Variants in SDK1 observed in about 807,000 individuals in gnomAD.
SDK1 encodes protein sidekick-1.
In SDK1, 157 loss-of-function variants were observed where a neutral mutation model predicts 245.5. The ratio of observed to expected loss-of-function variants is 0.64; its 90% CI spans 0.56 to 0.73. The LOEUF (loss-of-function observed/expected upper bound fraction) is 0.73. Ranked by LOEUF, SDK1 falls within the 30% of genes least tolerant of loss-of-function variation. The pLI, the probability that SDK1 is intolerant of heterozygous loss-of-function variation, is 0.00. For missense variants in SDK1, 3,583 were observed against 3,002.3 expected (o/e 1.19, Z -4.52); for synonymous variants, 1,647 against 1,278.5 (o/e 1.29, Z -6.15).
chr7:3,392,762 T>A (rs1781790462), intron 1 of SDK1, among the ~76,000 whole-genome samples: 1 of 152,108 alleles, frequency 6.6e-6, no homozygotes, highest in African/African-American at 2.4e-5. Flanking sequence ...GTTTTCAAGA[T>A]TCATTCATAT....
chr7:3,841,275 A>T (rs1189659484), intron 5 of SDK1, among the ~76,000 whole-genome samples: 1 of 152,132 alleles, frequency 6.6e-6, no homozygotes, highest in Non-Finnish European at 1.5e-5. Context: ...GGATCCAAGG[A>T]CAACTTCGCA....
chr7:3,902,260 T>C (rs1205629312), intron 5 of SDK1, among the ~76,000 whole-genome samples: 1 of 152,210 alleles, frequency 6.6e-6, no homozygotes, highest in Non-Finnish European at 1.5e-5. Context: ...TTCCAGTTCA[T>C]CATCACAGGG....
At chr7:3,425,542 A>T (rs775640671) in intron 1 of SDK1, among the ~76,000 whole-genome samples, 1 of 152,194 alleles carries the variant, frequency 6.6e-6, no homozygotes, top group Non-Finnish European at 1.5e-5. Context: ...CTTCTCACAG[A>T]CCTCGATAAA....
At chr7:4,161,728 A>AG in intron 31 of SDK1, 58 bp from the exon 32 acceptor site, 1 of 1,437,210 alleles carries the variant, frequency 7.0e-7, no homozygotes. Context: ...GGCCCTGGGA[A>AG]GGGCGGCAGA....
intron 1 of SDK1, among the ~76,000 whole-genome samples, chr7:3,549,462 G>C (rs1172400701): frequency 6.6e-6 from 1 of 152,162 alleles, no homozygotes; most frequent in Non-Finnish European, 1.5e-5. Flanking sequence ...ATATCCATGT[G>C]CCAAAGGAAA....
At chr7:4,001,974 C>T (rs1310718339) in intron 14 of SDK1, among the ~76,000 whole-genome samples, 1 of 152,228 alleles carries the variant, frequency 6.6e-6, no homozygotes, top group Non-Finnish European at 1.5e-5. Flanking sequence ...GAGTCACATT[C>T]ATCTGGGGGC....
chr7:3,619,333 T>C (rs1781864594), intron 2 of SDK1, 94 bp downstream of exon 2: 3 of 1,029,794 alleles, frequency 2.9e-6, no homozygotes, highest in Non-Finnish European at 4.3e-6. Context: ...AGTGAAAATA[T>C]TGGATTGAAT....
At chr7:3,503,000 G>A (rs1782267709) in intron 1 of SDK1, among the ~76,000 whole-genome samples, 1 of 152,106 alleles carries the variant, frequency 6.6e-6, no homozygotes, top group Admixed American at 6.5e-5. Flanking sequence ...TACTTACACT[G>A]GTGATGTTAT....
At chr7:3,349,079 A>C (rs890229863) in intron 1 of SDK1, among the ~76,000 whole-genome samples, 25 of 152,140 alleles carry the variant, frequency 1.6e-4, no homozygotes, top group Admixed American at 1.4e-3. Context: ...GTTGAAGTGC[A>C]CTTCAGTTTT....
chr7:3,633,806 T>A lies in SDK1; in HGVS notation c.459-5198T>A, dbSNP rs113153377. 2.6e-5 allele frequency among the ~76,000 whole-genome samples: 4 copies of A among 152,172 alleles called. 1 individual carries two copies. Among genetic ancestry groups the A allele is most frequent in the African/African-American group, 9.6e-5 (4 of 41,516 alleles). ...GCTGTTGCATGGATGGATATTGGGG[T>A]GCCCTTAGAATCAGCCTGGAGATTG... On this transcript the variant is annotated intron_variant, in intron 2 of 44. Coordinates refer to ENST00000404826, the MANE Select transcript of SDK1 (RefSeq NM_152744.4).
intron 5 of SDK1, among the ~76,000 whole-genome samples, chr7:3,922,987 A>T (rs1321522238): frequency 6.6e-6 from 1 of 152,186 alleles, no homozygotes; most frequent in Non-Finnish European, 1.5e-5. Flanking sequence ...AAAACTCTTG[A>T]TTCCAGCCAG....
At chr7:3,807,847 T>C (rs938585153) in intron 4 of SDK1, among the ~76,000 whole-genome samples, 1 of 152,222 alleles carries the variant, frequency 6.6e-6, no homozygotes, top group African/African-American at 2.4e-5. Flanking sequence ...TTCTGTAACA[T>C]GGAGATAATA....
intron 28 of SDK1, among the ~76,000 whole-genome samples, chr7:4,137,193 G>A (rs1196121085): frequency 6.6e-6 from 1 of 152,220 alleles, no homozygotes; most frequent in Non-Finnish European, 1.5e-5. Flanking sequence ...TACTCAGGGG[G>A]CTGAGGCATG....
intron 38 of SDK1, among the ~76,000 whole-genome samples, chr7:4,215,729 G>A (rs1250192662): frequency 6.6e-6 from 1 of 152,202 alleles, no homozygotes; most frequent in Admixed American, 6.5e-5. Context: ...GCATGAGAGA[G>A]GTACAGCAGG....
At chr7:3,646,142 C>T (rs941928625) in intron 4 of SDK1, among the ~76,000 whole-genome samples, 1 of 152,174 alleles carries the variant, frequency 6.6e-6, no homozygotes, top group Non-Finnish European at 1.5e-5. Flanking sequence ...TAGGCGTGAG[C>T]CACCACACCC....
chr7:3,622,923 C>A (rs114638488), intron 2 of SDK1, among the ~76,000 whole-genome samples: 4 of 151,820 alleles, frequency 2.6e-5, no homozygotes, highest in Non-Finnish European at 5.9e-5. Context: ...TGATATAAAA[C>A]CTGTCTAAAA....
chr7:3,779,562 T>C (rs748600598), intron 4 of SDK1, among the ~76,000 whole-genome samples: 3 of 152,170 alleles, frequency 2.0e-5, no homozygotes, highest in Non-Finnish European at 4.4e-5. Context: ...ACGATCTTTA[T>C]ATTGCTTCTC....
chr7:3,494,792 TG>T (rs1207145595), intron 1 of SDK1, among the ~76,000 whole-genome samples: 1 of 152,248 alleles, frequency 6.6e-6, no homozygotes, highest in Non-Finnish European at 1.5e-5. Context: ...TGGTTGATTA[TG>T]CTGTGTAACT....
At chr7:3,477,624 C>T (rs66664718) in intron 1 of SDK1, among the ~76,000 whole-genome samples, 26,530 of 151,022 alleles carry the variant, frequency 0.18, 4,199 homozygotes, top group African/African-American at 0.43. Context: ...AAGGGATTCT[C>T]CTGCCTCAGC....
Sources: allele counts gnomAD v4.1 joint callset (sites outside exome capture counted in the v4.1 genomes callset), GRCh38; gene constraint gnomAD v4.1.1; transcripts MANE v1.5; gene names NCBI Gene and HGNC (gene_info 2026-07-23, HGNC 2026-07-21).